Variants in MKX observed in about 807,000 individuals in gnomAD.
MKX encodes the protein homeobox protein Mohawk.
In MKX, 13 loss-of-function variants were observed where a neutral mutation model predicts 36.0. That is an observed-to-expected ratio of 0.36 (90% CI 0.24 to 0.57). MKX has a LOEUF of 0.57. MKX is among the 20% of genes least tolerant of loss of function. The probability of loss-of-function intolerance (pLI) is 0.79; values close to 1 mark genes in which losing one functional copy is unlikely to be tolerated. For synonymous variants in MKX, 176 were observed against 178.3 expected (o/e 0.99, Z 0.10); for missense variants, 458 against 456.4 (o/e 1.00, Z -0.03).
Position 27,684,945 on chromosome 10 carries a change from A to G in MKX, c.839-9391T>C, listed in dbSNP as rs1836316691. Reference sequence around the variant, plus strand: ...ATGAGAATCTAATGCTGCTGTTAATATTTATTGAATGCTTATTCTATGCCA... The same window carrying G: ...ATGAGAATCTAATGCTGCTGTTAATGTTTATTGAATGCTTATTCTATGCCA... On this transcript the variant is annotated intron_variant, in intron 5 of 6. Coordinates refer to ENST00000419761, the MANE Select transcript of MKX (RefSeq NM_173576.3). 2.6e-5 allele frequency among the ~76,000 whole-genome samples: 4 copies of G among 152,256 alleles called. No individual in the cohort carries two copies. In the South Asian group the frequency reaches 8.3e-4, roughly 32 times the overall value.
At chr10:27,677,227 C>T (rs1836169155) in intron 5 of MKX, among the ~76,000 whole-genome samples, 3 of 152,120 alleles carry the variant, frequency 2.0e-5, no homozygotes, top group Non-Finnish European at 1.5e-5. Flanking sequence ...ACCTGGAAAA[C>T]GCAAGGCCCT....
At chr10:27,736,616 C>T (rs1834783674) in intron 3 of MKX, among the ~76,000 whole-genome samples, 1 of 151,466 alleles carries the variant, frequency 6.6e-6, no homozygotes, top group Non-Finnish European at 1.5e-5. Flanking sequence ...GTTTGTGTGG[C>T]AATGTTTGCA....
chr10:27,705,607 G>A (rs1354502687), intron 5 of MKX, among the ~76,000 whole-genome samples: 4 of 152,056 alleles, frequency 2.6e-5, no homozygotes, highest in Non-Finnish European at 4.4e-5. Flanking sequence ...CTATCACTTC[G>A]GCCTCCCAGA....
chr10:27,710,838 T>C (rs1448806691), intron 5 of MKX, among the ~76,000 whole-genome samples: 1 of 152,066 alleles, frequency 6.6e-6, no homozygotes. Flanking sequence ...TTTGTATTTT[T>C]AGTAGAGATG....
chr10:27,725,335 C>T (rs758589156), intron 5 of MKX, among the ~76,000 whole-genome samples: 22 of 152,200 alleles, frequency 1.4e-4, no homozygotes, highest in African/African-American at 2.4e-4. Context: ...AAGTTCATTA[C>T]GCAGCTGTTA....
At chr10:27,708,747 T>G (rs542694619) in intron 5 of MKX, among the ~76,000 whole-genome samples, 1 of 147,910 alleles carries the variant, frequency 6.8e-6, no homozygotes, top group African/African-American at 2.5e-5. Context: ...AAAACGACTA[T>G]TGCCAGATAA....
At chr10:27,727,511 A>G (rs546873597) in intron 5 of MKX, among the ~76,000 whole-genome samples, 13 of 152,398 alleles carry the variant, frequency 8.5e-5, no homozygotes, top group African/African-American at 2.6e-4. Flanking sequence ...TGAACTTCAG[A>G]AAGAATCCAT....
intron 3 of MKX, among the ~76,000 whole-genome samples, chr10:27,740,005 T>C (rs1834859433): frequency 6.6e-6 from 1 of 152,208 alleles, no homozygotes; most frequent in Non-Finnish European, 1.5e-5. Flanking sequence ...GAACACTAAA[T>C]TAATTTTCCC....
At chr10:27,726,784 G>T (rs1834499890) in intron 5 of MKX, among the ~76,000 whole-genome samples, 1 of 148,982 alleles carries the variant, frequency 6.7e-6, no homozygotes, top group Admixed American at 6.7e-5. Flanking sequence ...ACTTATTCAG[G>T]ACCCTTCCTC....
At position 27,741,976 on chromosome 10, in the gene MKX, G is replaced by A. The variant is rs1264267934; in HGVS notation, c.189-472C>T. Among the ~76,000 whole-genome samples, 1 of 152,174 alleles carries A rather than the reference G, an allele frequency of 6.6e-6. No individual in the cohort carries two copies. Among genetic ancestry groups the A allele is most frequent in the Non-Finnish European group, 1.5e-5 (1 of 68,028 alleles). On this transcript the variant is annotated intron_variant, in intron 2 of 6. Transcript: ENST00000419761. This position sits in a 1 kb window ranked among gnomAD's most constrained non-coding sequence, Gnocchi z 5.1. ...TTCCGTCGCTTGTGGTCAGGGGAAA[G>A]GTCGCCGACTGGACATAGGGAATAA...
At chr10:27,685,873 T>C (rs1459660700) in intron 5 of MKX, among the ~76,000 whole-genome samples, 2 of 152,166 alleles carry the variant, frequency 1.3e-5, no homozygotes, top group Non-Finnish European at 2.9e-5. Context: ...GAAATTTTTG[T>C]GGTTATCCTC....
chr10:27,711,424 CTTTT>C (rs1186912588), intron 5 of MKX, among the ~76,000 whole-genome samples: 5 of 123,782 alleles, frequency 4.0e-5, no homozygotes, highest in Admixed American at 7.8e-5. Flanking sequence ...TTCTTTCTTT[CTTTT>C]CTCTTTCTTT....
intron 5 of MKX, among the ~76,000 whole-genome samples, chr10:27,678,569 G>A (rs1241863463): frequency 6.6e-6 from 1 of 150,776 alleles, no homozygotes; most frequent in African/African-American, 2.5e-5. Flanking sequence ...ATCTCAGAGT[G>A]GTTACTGCAC....
intron 5 of MKX, among the ~76,000 whole-genome samples, chr10:27,690,700 TTGAAGAAG>T (rs1238293907): frequency 5.3e-5 from 8 of 152,174 alleles, no homozygotes; most frequent in Non-Finnish European, 1.0e-4. Flanking sequence ...GCTCCCTGAC[TTGAAGAAG>T]TCAGGGTGCA....
chr10:27,701,539 T>C (rs1053284732), intron 5 of MKX, among the ~76,000 whole-genome samples: 2 of 145,418 alleles, frequency 1.4e-5, no homozygotes, highest in Non-Finnish European at 3.0e-5. Flanking sequence ...TGTATGTTTA[T>C]TTAGATATAT....
At chr10:27,702,160 C>T (rs545278726) in intron 5 of MKX, among the ~76,000 whole-genome samples, 69 of 152,226 alleles carry the variant, frequency 4.5e-4, no homozygotes, top group African/African-American at 1.4e-3. Flanking sequence ...AAGCCAGGCA[C>T]GGACAAAGCC....
chr10:27,681,225 T>A (rs1271880426), intron 5 of MKX, among the ~76,000 whole-genome samples: 1 of 151,836 alleles, frequency 6.6e-6, no homozygotes, highest in Non-Finnish European at 1.5e-5. Flanking sequence ...GGCGGGTGAA[T>A]CACTTGAGTT....
intron 3 of MKX, among the ~76,000 whole-genome samples, chr10:27,737,948 A>G (rs1834814441): frequency 6.6e-6 from 1 of 152,124 alleles, no homozygotes; most frequent in South Asian, 2.1e-4. Flanking sequence ...CTTCTAACAG[A>G]TAAAAATGGG....
chr10:27,745,667 C>T (rs1339356303), intron 1 of MKX, 40 bp downstream of exon 1: 1 of 152,384 alleles, frequency 6.6e-6, no homozygotes, highest in African/African-American at 2.4e-5. Context: ...CCTGGCGTTC[C>T]GCCGCAGCCG....
Sources: allele counts gnomAD v4.1 joint callset (sites outside exome capture counted in the v4.1 genomes callset), GRCh38; gene constraint gnomAD v4.1.1; non-coding constraint Gnocchi (gnomAD v3.1); transcripts MANE v1.5; gene names NCBI Gene and HGNC (gene_info 2026-07-23, HGNC 2026-07-21).